ADARB2: variants seen among roughly 807,000 people sequenced by gnomAD.
The protein encoded by ADARB2 is adenosine deaminase RNA specific B2 (inactive).
A neutral mutation model predicts 62.2 loss-of-function variants in ADARB2; 25 were observed. That is an observed-to-expected ratio of 0.40 (90% CI 0.29 to 0.56). ADARB2 has a LOEUF of 0.56. ADARB2 is among the 20% of genes least tolerant of loss of function. The pLI is 0.43. For synonymous variants in ADARB2, 572 were observed against 500.8 expected, an observed-to-expected ratio of 1.14 and a Z score of -1.90; for missense variants, 1,071 against 1,077.4, an observed-to-expected ratio of 0.99 and a Z score of 0.08.
intron 2 of ADARB2, among the ~76,000 whole-genome samples, chr10:1,376,945 G>A (rs374169364): frequency 1.4e-5 from 2 of 143,302 alleles, no homozygotes; most frequent in South Asian, 2.4e-4. Flanking sequence ...GTGTGTGTGC[G>A]CTCCTGGGGT....
At chr10:1,232,715 GTA>G (rs1350944865) in intron 6 of ADARB2, among the ~76,000 whole-genome samples, 5 of 139,738 alleles carry the variant, frequency 3.6e-5, no homozygotes, top group Admixed American at 1.5e-4. Context: ...AGTGTATGTG[GTA>G]TGTGTGTAGT....
At chr10:1,638,207 A>T (rs906942746) in intron 1 of ADARB2, among the ~76,000 whole-genome samples, 1 of 152,232 alleles carries the variant, frequency 6.6e-6, no homozygotes, top group African/African-American at 2.4e-5. Flanking sequence ...AGATGCAGAT[A>T]TTACACTTCA....
At chr10:1,686,556 A>G (rs972932283) in intron 1 of ADARB2, among the ~76,000 whole-genome samples, 5 of 152,206 alleles carry the variant, frequency 3.3e-5, no homozygotes, top group Non-Finnish European at 4.4e-5. Context: ...GAGTAGCCGA[A>G]CGTTCCCTCG....
intron 1 of ADARB2, among the ~76,000 whole-genome samples, chr10:1,460,442 G>A (rs538799234): frequency 1.2e-5 from 1 of 83,656 alleles, no homozygotes. Context: ...TGTGACCTGA[G>A]TTTACCTGCG....
At chr10:1,576,144 G>A (rs1833016903) in intron 1 of ADARB2, among the ~76,000 whole-genome samples, 11 of 124,782 alleles carry the variant, frequency 8.8e-5, no homozygotes, top group East Asian at 2.9e-4. Context: ...CACAAGAGGG[G>A]GGTCCACGGT....
chr10:1,664,639 G>A (rs760489768), intron 1 of ADARB2, among the ~76,000 whole-genome samples: 4 of 152,106 alleles, frequency 2.6e-5, no homozygotes, highest in Non-Finnish European at 4.4e-5. Flanking sequence ...TCATCATCTC[G>A]GTCGTCTGGT....
At position 1,278,428 on chromosome 10, in the gene ADARB2, T is replaced by C. The variant is rs545354301; in HGVS notation, c.1078-7359A>G. ...GTAGTTAGTTTCTCAACCCCCTCCC[T>C]CCCCACCAGTATTCCCCAGTGTCTG... On this transcript the variant is annotated intron_variant, in intron 3 of 9. Transcript: ENST00000381312. 6.3e-3 allele frequency among the ~76,000 whole-genome samples: 881 copies of C among 139,842 alleles called. 8 individuals are homozygous for C. Among genetic ancestry groups the C allele is most frequent in the African/African-American group, 0.02 (743 of 37,758 alleles). 91.7% of individuals were successfully genotyped at this position (139,842 alleles called of 152,430 possible).
chr10:1,591,300 C>T (rs1400396329), intron 1 of ADARB2, among the ~76,000 whole-genome samples: 1 of 152,214 alleles, frequency 6.6e-6, no homozygotes. Context: ...GGAGGCTCCG[C>T]GAGGGCGTGC....
intron 1 of ADARB2, among the ~76,000 whole-genome samples, chr10:1,472,560 C>A (rs1018048996): frequency 2.0e-5 from 3 of 152,166 alleles, no homozygotes; most frequent in African/African-American, 2.4e-5. Context: ...GGAGAAGGAC[C>A]AGTTAGAGGA....
rs368257913 is a variant in ADARB2 at position 1,255,932 on chromosome 10, A to G, written c.1193-13633T>C. 3.2e-3 allele frequency among the ~76,000 whole-genome samples: 488 copies of G among 152,326 alleles called. 2 individuals are homozygous for G. The highest frequency in any genetic ancestry group is 0.011 in the African/African-American group (466 of 41,572). ...AGCCCTGGGAGCTAACGGTGTTTACATGACAGTGGCACATCTGGCACATTC... is the reference window on the plus strand; with the variant it reads ...AGCCCTGGGAGCTAACGGTGTTTACGTGACAGTGGCACATCTGGCACATTC... On this transcript the variant is annotated intron_variant, in intron 4 of 9. Transcript: ENST00000381312. The surrounding 1 kb of genome is among the most constrained non-coding windows in gnomAD (Gnocchi z 4.7).
At chr10:1,415,510 A>G (rs150808829) in intron 1 of ADARB2, among the ~76,000 whole-genome samples, 42 of 152,210 alleles carry the variant, frequency 2.8e-4, no homozygotes, top group Non-Finnish European at 5.3e-4. Context: ...TAAACACGAC[A>G]CCTCTTCCGC....
chr10:1,721,971 G>A (rs573274639), intron 1 of ADARB2, among the ~76,000 whole-genome samples: 348 of 152,226 alleles, frequency 2.3e-3, no homozygotes, highest in Non-Finnish European at 4.1e-3. Flanking sequence ...ACCAAGAATC[G>A]GGGATTTGTT....
intron 1 of ADARB2, among the ~76,000 whole-genome samples, chr10:1,403,329 G>A (rs1832681047): frequency 6.6e-6 from 1 of 152,126 alleles, no homozygotes; most frequent in African/African-American, 2.4e-5. Flanking sequence ...TGTGTAAAGG[G>A]GCAATCACGA....
chr10:1,574,733 TATCTCTGTAAAG>T lies in ADARB2; in HGVS notation c.100+162306_100+162317del, dbSNP rs537109138. On this transcript the variant is annotated intron_variant, in intron 1 of 9. Transcript: ENST00000381312. Reference sequence around the variant, plus strand: ...CCTAAAGACCTCATTTTATCTTAATTATCTCTGTAAAGACCCCACCTCCAAACCCAGTCAACT... The same window carrying T: ...CCTAAAGACCTCATTTTATCTTAATTACCCCACCTCCAAACCCAGTCAACT... 3.5e-4 allele frequency among the ~76,000 whole-genome samples: 51 copies of T among 144,646 alleles called. 1 individual carries two copies. The South Asian group carries it at 0.011, about 32-fold the overall frequency. 94.9% of individuals were successfully genotyped at this position (144,646 alleles called of 152,430 possible). A position where few individuals can be genotyped will look rare whatever the true frequency, so the allele number is the denominator to read the frequency against.
chr10:1,317,325 A>G (rs1209662601), intron 3 of ADARB2, among the ~76,000 whole-genome samples: 1 of 152,226 alleles, frequency 6.6e-6, no homozygotes, highest in African/African-American at 2.4e-5. Context: ...AATATCACTT[A>G]CATAATCAGG....
At chr10:1,501,625 A>G (rs1332358986) in intron 1 of ADARB2, among the ~76,000 whole-genome samples, 3 of 152,252 alleles carry the variant, frequency 2.0e-5, no homozygotes, top group African/African-American at 7.2e-5. Flanking sequence ...AGCAGAAAGC[A>G]ATTCCACAGA....
chr10:1,520,860 T>C (rs1256747306), intron 1 of ADARB2, among the ~76,000 whole-genome samples: 1 of 152,262 alleles, frequency 6.6e-6, no homozygotes, highest in Non-Finnish European at 1.5e-5. Flanking sequence ...GAATATTTAC[T>C]ACATATGTAG....
At chr10:1,207,970 C>A (rs1837091835) in intron 7 of ADARB2, among the ~76,000 whole-genome samples, 1 of 152,226 alleles carries the variant, frequency 6.6e-6, no homozygotes, top group Non-Finnish European at 1.5e-5. Flanking sequence ...CAGGCCGCGT[C>A]CACAGGCCTT....
intron 5 of ADARB2, among the ~76,000 whole-genome samples, chr10:1,235,137 T>G (rs1247343999): frequency 6.6e-6 from 1 of 151,458 alleles, no homozygotes; most frequent in East Asian, 2.0e-4. Context: ...GATTTGCCAG[T>G]GCTGCTCATG....
Sources: allele counts gnomAD v4.1 joint callset (sites outside exome capture counted in the v4.1 genomes callset), GRCh38; gene constraint gnomAD v4.1.1; non-coding constraint Gnocchi (gnomAD v3.1); transcripts MANE v1.5; gene names NCBI Gene and HGNC (gene_info 2026-07-23, HGNC 2026-07-21).